Variants in AK9 observed in about 807,000 individuals in gnomAD.
The protein encoded by AK9 is adenylate kinase 9.
In AK9, 191 loss-of-function variants were observed where a neutral mutation model predicts 239.6. The ratio of observed to expected loss-of-function variants is 0.80; its 90% CI spans 0.71 to 0.90. The LOEUF (loss-of-function observed/expected upper bound fraction) is 0.90, where lower values mean the gene tolerates loss of function less well. Among genes scored for constraint, AK9 ranks in the 40% least tolerant of loss-of-function variants. AK9 has a pLI of 0.00. For missense variants in AK9, 1,995 were observed against 2,214.7 expected, an observed-to-expected ratio of 0.90 and a Z score of 1.99; for synonymous variants, 689 against 721.0, an observed-to-expected ratio of 0.96 and a Z score of 0.71.
intron 1 of AK9, among the ~76,000 whole-genome samples, chr6:109,679,657 T>A (rs1583558842): frequency 1.3e-5 from 2 of 152,146 alleles, no homozygotes; most frequent in Admixed American, 1.3e-4. Flanking sequence ...GTCTCCTGAC[T>A]GGGAGACACC....
chr6:109,606,761 G>A (rs1792934933), intron 17 of AK9, among the ~76,000 whole-genome samples: 1 of 152,210 alleles, frequency 6.6e-6, no homozygotes, highest in Admixed American at 6.5e-5. Context: ...CTTCCCTTGG[G>A]TGCTCCGTAG....
At chr6:109,581,303 G>A (rs1014251937) in intron 19 of AK9, among the ~76,000 whole-genome samples, 1 of 152,192 alleles carries the variant, frequency 6.6e-6, no homozygotes, top group Non-Finnish European at 1.5e-5. Context: ...TAAGCTTAGT[G>A]AGGAAGGTAT....
At chr6:109,563,445 A>AG (rs537793968) in intron 24 of AK9, among the ~76,000 whole-genome samples, 152 bp downstream of exon 24, 1 of 152,112 alleles carries the variant, frequency 6.6e-6, no homozygotes, top group Admixed American at 6.5e-5. Context: ...CTGGAATTTC[A>AG]GGGGGGTCAA....
intron 16 of AK9, among the ~76,000 whole-genome samples, chr6:109,610,924 G>A (rs1401053842): frequency 1.3e-5 from 2 of 152,174 alleles, no homozygotes; most frequent in East Asian, 1.9e-4. Flanking sequence ...GAGGACAAGA[G>A]GTAGGCAAGT....
At position 109,564,532 on chromosome 6, in the gene AK9, C is replaced by T. The variant is rs145534037; in HGVS notation, c.2434+224G>A. Among the ~76,000 whole-genome samples the T allele has an allele frequency of 1.2e-3, 187 of 151,938 alleles. 2 individuals are homozygous for T. Among genetic ancestry groups the T allele is most frequent in the Middle Eastern group, 3.4e-3 (1 of 294 alleles). On this transcript the variant is annotated intron_variant, in intron 22 of 40. Transcript: ENST00000424296. ...CATGAGTTTCTTAAGGAAACTTTAA[C>T]GGTTAATAAAAAATGTATAAAACAA...
chr6:109,559,071 C>T (rs1440766511), intron 24 of AK9, among the ~76,000 whole-genome samples: 1 of 151,534 alleles, frequency 6.6e-6, no homozygotes. Flanking sequence ...TAAGCTGCCT[C>T]GAACTCCTGA....
rs1300060982 is a variant in AK9, at chr6:109,598,388, A to G, written c.1842+11977T>C. On this transcript the variant is annotated intron_variant, in intron 17 of 40. Transcript: ENST00000424296. The stretch of plus-strand genomic sequence containing the variant: ...GGTTTCCAGCTTCATCCATGTCCCT[A>G]TAAAGGACACGAACTCATCATTTTT... Among the ~76,000 whole-genome samples, 10 of 152,240 alleles carry G rather than the reference A, an allele frequency of 6.6e-5. No individual in the cohort carries two copies. The East Asian group carries it at 1.9e-3, about 29-fold the overall frequency.
intron 32 of AK9, among the ~76,000 whole-genome samples, chr6:109,509,852 G>T (rs1453693938): frequency 1.3e-5 from 2 of 152,052 alleles, no homozygotes; most frequent in East Asian, 1.9e-4. Context: ...AGCTTGGGGG[G>T]TTTTCCCAGG....
chr6:109,622,646 GT>G (rs1795020690), intron 12 of AK9, among the ~76,000 whole-genome samples: 1 of 146,372 alleles, frequency 6.8e-6, no homozygotes, highest in African/African-American at 2.5e-5. Flanking sequence ...AATATATAAT[GT>G]GTATTATAGA....
chr6:109,566,488 C>T (rs969878655), intron 21 of AK9, among the ~76,000 whole-genome samples: 1 of 151,848 alleles, frequency 6.6e-6, no homozygotes, highest in African/African-American at 2.4e-5. Context: ...CTAAAAAACA[C>T]AAGATAACAA....
chr6:109,545,755 AT>A, intron 26 of AK9, 111 bp downstream of exon 26: 1 of 1,334,730 alleles, frequency 7.5e-7, no homozygotes, highest in South Asian at 1.5e-5. Context: ...GTGAGCTGTG[AT>A]TGTGCCACTG....
Position 109,550,191 on chromosome 6 carries a change from C to A in AK9, c.2863G>T (p.Ala955Ser). The A allele has an allele frequency of 6.2e-7, 1 of 1,613,908 alleles. No homozygotes were observed. The highest frequency in any genetic ancestry group is 1.1e-5 in the South Asian group (1 of 91,082). ...ILQPGNTEEA[A>S]KYREKIYYFS... ...TAGTAGATCTTTTCTCGATACTTGGCTGCTTCTTCTGTGTTTCCTGGTTGC... is the reference window on the plus strand; with the variant it reads ...TAGTAGATCTTTTCTCGATACTTGGATGCTTCTTCTGTGTTTCCTGGTTGC... Residue 955 changes from alanine (A) to serine (S), a missense_variant, in exon 25 of 41, where the codon GCC becomes TCC. This residue lies in a region of AK9 where 1,290 missense variants were observed against 1,392.7 expected (regional missense o/e 0.93). Transcript: ENST00000424296.
intron 21 of AK9, among the ~76,000 whole-genome samples, chr6:109,569,535 C>T (rs901535324): frequency 3.3e-5 from 5 of 152,248 alleles, no homozygotes; most frequent in African/African-American, 1.2e-4. Context: ...ACCCATCTGA[C>T]AAAGGGCTAG....
In AK9 at chr6:109,567,882, TAAA is replaced by T. The variant is rs71018349; in HGVS notation, c.2345-3040_2345-3038del. Among the ~76,000 whole-genome samples the T allele has an allele frequency of 1.4e-4, 19 of 132,654 alleles. No individual in the cohort carries two copies. The South Asian group carries it at 2.3e-3, about 16-fold the overall frequency. The allele number at this position is 132,654 out of a possible 152,430, so 87.0% of individuals were successfully genotyped here. On this transcript the variant is annotated intron_variant, in intron 21 of 40. Transcript: ENST00000424296. The stretch of plus-strand genomic sequence containing the variant: ...ATGTACCCTAGAACTTAAAGTAAAA[TAAA>T]AAAAAAAAAAAAGAAAAAGGGAATC...
intron 10 of AK9, among the ~76,000 whole-genome samples, chr6:109,640,576 A>C (rs1021869634): frequency 7.1e-5 from 5 of 70,480 alleles, no homozygotes; most frequent in African/African-American, 2.7e-4. Context: ...ACTCCACCCC[A>C]ATTTTTTTTT....
intron 36 of AK9, among the ~76,000 whole-genome samples, chr6:109,498,286 G>A (rs570521630): frequency 6.6e-6 from 1 of 152,204 alleles, no homozygotes; most frequent in South Asian, 2.1e-4. Flanking sequence ...GTAATTAACC[G>A]GTTGGGTGCC....
At chr6:109,648,779 A>G (rs1283234587) in intron 8 of AK9, among the ~76,000 whole-genome samples, 5 of 152,218 alleles carry the variant, frequency 3.3e-5, no homozygotes, top group Non-Finnish European at 7.3e-5. Context: ...ACTGGCAGAG[A>G]CACAACCAAA....
chr6:109,661,823 C>T lies in AK9; in HGVS notation c.444+728G>A, dbSNP rs116555354. On this transcript the variant is annotated intron_variant, in intron 6 of 40. Transcript: ENST00000424296. ...ATTCATTTTGACATAAACAAGAAGA[C>T]ACCACCTTGCTAAATTCTTATCACA... 3.0e-3 allele frequency among the ~76,000 whole-genome samples: 456 copies of T among 152,300 alleles called. 3 individuals are homozygous for T. The highest frequency in any genetic ancestry group is 0.011 in the African/African-American group (444 of 41,574).
chr6:109,584,494 A>G (rs1789242287), intron 19 of AK9, among the ~76,000 whole-genome samples: 1 of 152,180 alleles, frequency 6.6e-6, no homozygotes, highest in Admixed American at 6.5e-5. Flanking sequence ...AGTAAGGAAG[A>G]ACAATTAGCA....
Sources: allele counts gnomAD v4.1 joint callset (sites outside exome capture counted in the v4.1 genomes callset), GRCh38; gene constraint gnomAD v4.1.1; regional missense constraint gnomAD v4.1.1; transcripts MANE v1.5; gene names NCBI Gene and HGNC (gene_info 2026-07-23, HGNC 2026-07-21).